The following ZFHX3 variants were observed in gnomAD, a reference collection of about 807,000 sequenced individuals.
The protein encoded by ZFHX3 is zinc finger homeobox 3.
A neutral mutation model predicts 279.1 loss-of-function variants in ZFHX3; 42 were observed. The observed-to-expected ratio is 0.15, with a 90% CI of 0.12 to 0.19. The LOEUF is 0.19. Ranked by LOEUF, ZFHX3 falls within the 10% of genes least tolerant of loss-of-function variation. ZFHX3 has a pLI of 1.00. For missense variants in ZFHX3, 4,981 were observed against 4,754.0 expected (o/e 1.05, Z -1.40); for synonymous variants, 2,293 against 1,957.8 (o/e 1.17, Z -4.52).
intron 1 of ZFHX3, among the ~76,000 whole-genome samples, chr16:73,034,569 A>G (rs1964832204): frequency 6.6e-6 from 1 of 152,204 alleles, no homozygotes; most frequent in African/African-American, 2.4e-5. Flanking sequence ...GCCCCAAACT[A>G]GCAACCCACC....
chr16:73,831,605 C>T (rs1960999396), intron 1 of ZFHX3, among the ~76,000 whole-genome samples: 1 of 152,206 alleles, frequency 6.6e-6, no homozygotes. Context: ...GGCTTTTTCT[C>T]CATCACACAG....
intron 4 of ZFHX3, among the ~76,000 whole-genome samples, chr16:72,878,348 G>A (rs1206361835): frequency 1.3e-5 from 2 of 152,178 alleles, no homozygotes; most frequent in African/African-American, 4.8e-5. Flanking sequence ...GCACTTCACT[G>A]GTGCCAGTGC....
intron 7 of ZFHX3, among the ~76,000 whole-genome samples, chr16:72,803,762 C>G (rs1597252601): frequency 6.6e-6 from 1 of 152,244 alleles, no homozygotes; most frequent in South Asian, 2.1e-4. Context: ...ATCCCCCACT[C>G]TATTCACTAA....
At chr16:73,538,322 G>A (rs2019943551) in intron 2 of ZFHX3, among the ~76,000 whole-genome samples, 1 of 152,004 alleles carries the variant, frequency 6.6e-6, no homozygotes, top group South Asian at 2.1e-4. Context: ...TTCACCAAAG[G>A]CTATTGAAAT....
At chr16:73,404,953 T>A (rs977876714) in intron 3 of ZFHX3, among the ~76,000 whole-genome samples, 1 of 152,220 alleles carries the variant, frequency 6.6e-6, no homozygotes, top group African/African-American at 2.4e-5. Context: ...GAGCTTGTTG[T>A]TCCCACGGAG....
rs780948706 is a variant in ZFHX3, at chr16:72,788,002, T to G, written c.10274A>C (p.Lys3425Thr). The G allele has an allele frequency of 6.2e-7, 1 of 1,613,170 alleles. No homozygotes were observed. The highest frequency in any genetic ancestry group is 2.2e-5 in the East Asian group (1 of 44,762). The change falls in exon 10 of 10, where the codon AAA (lysine) becomes ACA (threonine). Residue 3425 changes from lysine to threonine, a missense_variant. This residue lies in a region of ZFHX3 where 1,034 missense variants were observed against 786.0 expected (regional missense o/e 1.32). Transcript: ENST00000268489. Reference sequence around the variant, plus strand: ...GGGGGACACCTCACGGGGGGTGTTTTTCTGTTCTTCTGGTTTGGGGGATTC... The same window carrying G: ...GGGGGACACCTCACGGGGGGTGTTTGTCTGTTCTTCTGGTTTGGGGGATTC... ...AKESPKPEEQ[K>T]NTPREVSPLL...
intron 8 of ZFHX3, chr16:73,083,189 G>A (rs980377960): frequency 6.5e-6 from 1 of 152,678 alleles, no homozygotes; most frequent in East Asian, 1.9e-4. Context: ...GGCAACAAGA[G>A]CAAAACTCCG....
chr16:73,886,880 A>G (rs2030363495), intron 1 of ZFHX3, among the ~76,000 whole-genome samples: 1 of 152,238 alleles, frequency 6.6e-6, no homozygotes. Context: ...TAAATGTCCT[A>G]GCTGAAGGAC....
chr16:72,789,106 C>G, intron 9 of ZFHX3: 1 of 410,804 alleles, frequency 2.4e-6, no homozygotes, highest in East Asian at 3.8e-5. Context: ...TCCCACCAGG[C>G]TCAGAGCTGG....
At chr16:73,514,214 C>G (rs1196383015) in intron 2 of ZFHX3, among the ~76,000 whole-genome samples, 1 of 152,000 alleles carries the variant, frequency 6.6e-6, no homozygotes, top group African/African-American at 2.4e-5. Flanking sequence ...CGCCCCTGCA[C>G]CCCAGCCTGG....
intron 1 of ZFHX3, among the ~76,000 whole-genome samples, chr16:72,984,093 A>G (rs1962740802): frequency 6.6e-6 from 1 of 152,154 alleles, no homozygotes; most frequent in Non-Finnish European, 1.5e-5. Flanking sequence ...CGCTCCTTCA[A>G]GCACAGGCCT....
intron 3 of ZFHX3, among the ~76,000 whole-genome samples, chr16:73,409,234 T>C (rs1017478045): frequency 1.3e-5 from 2 of 152,116 alleles, no homozygotes; most frequent in Non-Finnish European, 1.5e-5. Context: ...AAGCTTAGGG[T>C]TCCCTGGAGA....
intron 4 of ZFHX3, among the ~76,000 whole-genome samples, chr16:73,275,525 C>A (rs1038991846): frequency 6.6e-6 from 1 of 152,134 alleles, no homozygotes; most frequent in Non-Finnish European, 1.5e-5. Context: ...CATGCATAAT[C>A]AAGACTTCCA....
At position 72,957,740 on chromosome 16, in the gene ZFHX3, G is replaced by A. The variant is rs1597014330; in HGVS notation, c.2406C>T (p.Pro802=). The A allele has an allele frequency of 6.2e-7, 1 of 1,614,174 alleles. No individual in the cohort carries two copies. Among genetic ancestry groups the A allele is most frequent in the Non-Finnish European group, 8.5e-7 (1 of 1,180,040 alleles). The change falls in exon 2 of 10, where the codon CCC becomes CCT. Residue 802 remains proline, a synonymous_variant. Transcript: ENST00000268489. The part of the protein sequence containing the change: ...APSPTKPKTK[P]TWRCEVCDYE... ...AATCACACACCTCGCACCGCCAGGT[G>A]GGTTTGGTTTTTGGTTTGGTCGGCG...
chr16:72,899,313 C>T (rs2038975503), intron 3 of ZFHX3, among the ~76,000 whole-genome samples: 1 of 152,044 alleles, frequency 6.6e-6, no homozygotes, highest in Non-Finnish European at 1.5e-5. Flanking sequence ...CTTGTGACAG[C>T]GAGTTCTCAT....
chr16:73,278,317 T>TTAATCCCAGCGTGCATGTTTTTGG (rs2014355932), intron 4 of ZFHX3, among the ~76,000 whole-genome samples: 1 of 152,182 alleles, frequency 6.6e-6, no homozygotes, highest in Non-Finnish European at 1.5e-5. Context: ...AAAGTGTGAG[T>TTAATCCCAGCGTGCATGTTTTTGG]TAATCCCAGC....
intron 5 of ZFHX3, among the ~76,000 whole-genome samples, chr16:73,236,882 C>T (rs531346985): frequency 4.6e-5 from 7 of 152,308 alleles, no homozygotes; most frequent in South Asian, 4.2e-4. Context: ...GAAGAAGCCA[C>T]GCGGTACCTG....
chr16:73,595,791 C>T (rs540720387), intron 2 of ZFHX3, among the ~76,000 whole-genome samples: 8 of 152,204 alleles, frequency 5.3e-5, no homozygotes, highest in Non-Finnish European at 1.2e-4. Context: ...GTCTCTAACT[C>T]ACCGAACTAG....
At chr16:73,631,883 G>A (rs1415893326) in intron 2 of ZFHX3, among the ~76,000 whole-genome samples, 1 of 135,108 alleles carries the variant, frequency 7.4e-6, no homozygotes, top group African/African-American at 2.8e-5. Flanking sequence ...CTCCAGCCTG[G>A]GTGATAGAGT....
Sources: gnomAD v4.1 joint callset for allele counts (sites outside exome capture counted in the v4.1 genomes callset) on GRCh38, gnomAD v4.1.1 for gene constraint, gnomAD v4.1.1 regional missense constraint, MANE v1.5 for transcripts, NCBI Gene and HGNC (gene_info 2026-07-23, HGNC 2026-07-21) for gene names.